ITGA9: variants seen among roughly 807,000 people sequenced by gnomAD.
The protein encoded by ITGA9 is integrin subunit alpha 9.
In ITGA9, 56 loss-of-function variants were observed where a neutral mutation model predicts 127.8. That is an observed-to-expected ratio of 0.44 (90% CI 0.35 to 0.55). The LOEUF (loss-of-function observed/expected upper bound fraction) is 0.55, where lower values mean the gene tolerates loss of function less well. ITGA9 is among the 20% of genes least tolerant of loss of function. The pLI is 0.00. For missense variants in ITGA9, 1,196 were observed against 1,347.1 expected (o/e 0.89, Z 1.76); for synonymous variants, 508 against 514.5 (o/e 0.99, Z 0.17).
intron 27 of ITGA9, among the ~76,000 whole-genome samples, chr3:37,805,177 A>G (rs1396961607): frequency 2.6e-5 from 4 of 152,030 alleles, no homozygotes; most frequent in African/African-American, 9.7e-5. Flanking sequence ...CAGCCTCCCA[A>G]GTAGCTGGGA....
At position 37,683,983 on chromosome 3, in the gene ITGA9, C is replaced by G; in HGVS notation, c.2035C>G (p.Arg679Gly). The change falls in exon 18 of 28, where the codon CGG becomes GGG. Residue 679 changes from arginine to glycine, a missense_variant. Transcript: ENST00000264741. ...YDANVSFNVS[R>G]ELFFINMWQK... ...TGCCAACGTGTCCTTCAATGTTTCC[C>G]GGGAGCTCTTCTTCATCAACATGTG... The G allele has an allele frequency of 6.2e-7, 1 of 1,613,826 alleles. No individual in the cohort carries two copies. Among genetic ancestry groups the G allele is most frequent in the South Asian group, 1.1e-5 (1 of 91,070 alleles).
intron 1 of ITGA9, among the ~76,000 whole-genome samples, chr3:37,462,501 C>T (rs1014774211): frequency 2.0e-5 from 3 of 152,194 alleles, no homozygotes; most frequent in Admixed American, 6.5e-5. Context: ...TCCCGAAGCA[C>T]AGAGAAGCCA....
chr3:37,818,367 A>G (rs1445265259), intron 27 of ITGA9: 1 of 150,376 alleles, frequency 6.6e-6, no homozygotes, highest in Non-Finnish European at 1.4e-5. Context: ...GGTTCAAGCG[A>G]TTCTCGTGCC....
At chr3:37,807,307 C>G (rs1409586570) in intron 27 of ITGA9, 3 of 152,192 alleles carry the variant, frequency 2.0e-5, no homozygotes, top group African/African-American at 7.2e-5. Context: ...CACACAGAAG[C>G]CAGGGGATAT....
intron 17 of ITGA9, among the ~76,000 whole-genome samples, chr3:37,656,533 CA>C (rs1372872966): frequency 1.3e-5 from 2 of 152,178 alleles, no homozygotes; most frequent in East Asian, 3.8e-4. Flanking sequence ...GATTTTTGCA[CA>C]TTGATTTTGT....
At chr3:37,776,060 C>A (rs910698159) in intron 23 of ITGA9, among the ~76,000 whole-genome samples, 4 of 152,128 alleles carry the variant, frequency 2.6e-5, no homozygotes, top group East Asian at 1.9e-4. Flanking sequence ...AGGCCATTAT[C>A]CCTAGCAAAC....
At chr3:37,756,925 GA>G (rs34984551) in intron 23 of ITGA9, among the ~76,000 whole-genome samples, 1 of 151,588 alleles carries the variant, frequency 6.6e-6, no homozygotes, top group Non-Finnish European at 1.5e-5. Context: ...TAACTTTTTA[GA>G]AAAAAAAGAA....
chr3:37,771,190 C>T (rs1305993260), intron 23 of ITGA9, among the ~76,000 whole-genome samples: 1 of 152,146 alleles, frequency 6.6e-6, no homozygotes, highest in Non-Finnish European at 1.5e-5. Context: ...GCGATGGCCA[C>T]AGAGTCCTTA....
intron 17 of ITGA9, among the ~76,000 whole-genome samples, chr3:37,681,003 C>T (rs954022309): frequency 1.3e-5 from 2 of 152,124 alleles, no homozygotes; most frequent in African/African-American, 2.4e-5. Flanking sequence ...TTTCTCATTG[C>T]ACATGTTATT....
At chr3:37,491,844 G>A (rs1435983405) in intron 4 of ITGA9, among the ~76,000 whole-genome samples, 2 of 152,212 alleles carry the variant, frequency 1.3e-5, no homozygotes, top group African/African-American at 2.4e-5. Context: ...ATGGATTAGG[G>A]AGAAACCTAA....
intron 17 of ITGA9, among the ~76,000 whole-genome samples, chr3:37,676,768 AG>A (rs1700686208): frequency 6.6e-6 from 1 of 152,220 alleles, no homozygotes; most frequent in South Asian, 2.1e-4. Flanking sequence ...TCAAGACCTA[AG>A]GGAATCTGGA....
chr3:37,485,684 G>C (rs1438291346), intron 4 of ITGA9, among the ~76,000 whole-genome samples: 1 of 152,122 alleles, frequency 6.6e-6, no homozygotes, highest in Non-Finnish European at 1.5e-5. Context: ...AATGTCTCAA[G>C]CTTTTGAATT....
intron 16 of ITGA9, among the ~76,000 whole-genome samples, chr3:37,643,310 A>T (rs1700349705): frequency 6.6e-6 from 1 of 152,170 alleles, no homozygotes; most frequent in South Asian, 2.1e-4. Context: ...ATCTAGTTTG[A>T]AGTATGTGTG....
At chr3:37,556,850 C>G (rs28677970) in intron 15 of ITGA9, among the ~76,000 whole-genome samples, 1 of 152,180 alleles carries the variant, frequency 6.6e-6, no homozygotes. Flanking sequence ...TCATCAACAA[C>G]GTGGGGCCAG....
intron 1 of ITGA9, among the ~76,000 whole-genome samples, chr3:37,469,333 A>G (rs141153053): frequency 7.2e-5 from 11 of 152,218 alleles, no homozygotes; most frequent in Non-Finnish European, 1.5e-4. Context: ...ACGGTTTATA[A>G]TTCCGCACTG....
chr3:37,810,174 G>A (rs988769677), intron 27 of ITGA9, among the ~76,000 whole-genome samples: 10 of 152,152 alleles, frequency 6.6e-5, no homozygotes, highest in Non-Finnish European at 1.2e-4. Context: ...CTTGAGGTCC[G>A]GAGCCAAAAG....
At position 37,629,841 on chromosome 3, in the gene ITGA9, C is replaced by T. The variant is rs1302549562; in HGVS notation, c.1839+505C>T. Among the ~76,000 whole-genome samples the T allele has an allele frequency of 1.3e-5, 2 of 152,110 alleles. No individual in the cohort carries two copies. On this transcript the variant is annotated intron_variant, in intron 16 of 27. Coordinates refer to ENST00000264741, the MANE Select transcript of ITGA9 (RefSeq NM_002207.3). This position sits in a 1 kb window ranked among gnomAD's most constrained non-coding sequence, Gnocchi z 4.5. ...CACACTCATCAGATTCTGGGATGTG[C>T]GGCTGTGTAGAGAAGCTTTAGTGCG...
At chr3:37,787,930 G>C (rs1347764912) in intron 26 of ITGA9, among the ~76,000 whole-genome samples, 3 of 152,182 alleles carry the variant, frequency 2.0e-5, no homozygotes, top group East Asian at 1.9e-4. Context: ...AACTGATGGA[G>C]AAATCAAGCA....
intron 23 of ITGA9, chr3:37,753,783 C>G (rs1255301137): frequency 1.3e-5 from 2 of 152,174 alleles, no homozygotes; most frequent in Non-Finnish European, 2.9e-5. Context: ...TGGAGAAGGC[C>G]AAGCTCCCTG....
Sources: gnomAD v4.1 joint callset for allele counts (sites outside exome capture counted in the v4.1 genomes callset) on GRCh38, gnomAD v4.1.1 for gene constraint, Gnocchi (gnomAD v3.1) non-coding constraint, MANE v1.5 for transcripts, NCBI Gene and HGNC (gene_info 2026-07-23, HGNC 2026-07-21) for gene names.